MCC: variants seen among roughly 807,000 people sequenced by gnomAD.
MCC encodes the protein colorectal mutant cancer protein.
MCC carries 90 observed loss-of-function variants against 116.2 expected under a neutral mutation model. The observed-to-expected ratio is 0.77, with a 90% CI of 0.65 to 0.92. MCC has a LOEUF of 0.92. Ranked by LOEUF, MCC falls within the 40% of genes least tolerant of loss-of-function variation. The probability of loss-of-function intolerance (pLI) is 0.00; values close to 1 mark genes in which losing one functional copy is unlikely to be tolerated. For missense variants in MCC, 1,516 were observed against 1,312.2 expected (o/e 1.16, Z -2.40); for synonymous variants, 578 against 510.5 (o/e 1.13, Z -1.78).
At position 113,064,180 on chromosome 5, in the gene MCC, G is replaced by C; in HGVS notation, c.2030-13C>G. The C allele has an allele frequency of 1.3e-6, 2 of 1,599,434 alleles. No homozygotes were observed. The highest frequency in any genetic ancestry group is 2.2e-5 in the South Asian group (2 of 88,912). ...CCCGACTGGTCTCCTATGTGGCAGA[G>C]AAGCCAACGGATTAATCAACATAGG... On this transcript the variant is annotated splice_polypyrimidine_tract_variant and intron_variant, in intron 13 of 18. Transcript: ENST00000408903.
chr5:113,022,461 A>G lies in MCC; in HGVS notation c.*4841T>C, dbSNP rs1750208863. ...TATAGCACATATTCAAATAATAGGA[A>G]ACAAATCTCATGCAAAGTAAATAAA... On this transcript the variant is annotated 3_prime_UTR_variant, in exon 19 of 19. Coordinates refer to ENST00000408903, the MANE Select transcript of MCC (RefSeq NM_001085377.2). 1 of 152,658 alleles carries G rather than the reference A, an allele frequency of 6.6e-6. No homozygotes were observed. Among genetic ancestry groups the G allele is most frequent in the South Asian group, 2.1e-4 (1 of 4,832 alleles). The allele number at this position is 152,658 out of a possible 1,614,324, so 9.5% of individuals were successfully genotyped here. A position where few individuals can be genotyped will look rare whatever the true frequency, so the allele number is the denominator to read the frequency against.
chr5:113,357,784 T>C (rs1452870140), intron 2 of MCC, among the ~76,000 whole-genome samples: 1 of 152,144 alleles, frequency 6.6e-6, no homozygotes, highest in Non-Finnish European at 1.5e-5. Context: ...TCCCAAGTGC[T>C]AGCAGGCCAC....
At chr5:113,115,519 G>A (rs1179474424) in intron 6 of MCC, among the ~76,000 whole-genome samples, 1 of 152,106 alleles carries the variant, frequency 6.6e-6, no homozygotes, top group African/African-American at 2.4e-5. Context: ...GAAGGGATAA[G>A]GAAGATAACC....
chr5:113,073,656 C>CTTT (rs565478702), intron 11 of MCC, among the ~76,000 whole-genome samples: 48 of 144,300 alleles, frequency 3.3e-4, no homozygotes, highest in East Asian at 2.0e-3. Context: ...CATATGGCTG[C>CTTT]TTTTTTTTTT....
chr5:113,029,867 C>T (rs766100597), intron 17 of MCC, among the ~76,000 whole-genome samples: 1 of 152,174 alleles, frequency 6.6e-6, no homozygotes, highest in Non-Finnish European at 1.5e-5. Context: ...ACTATGTCAC[C>T]GTATTACGTG....
chr5:113,036,879 C>T (rs1200068827), intron 17 of MCC, among the ~76,000 whole-genome samples: 1 of 152,212 alleles, frequency 6.6e-6, no homozygotes, highest in Non-Finnish European at 1.5e-5. Flanking sequence ...AGGCACTTGG[C>T]TCTGGGGCTC....
At chr5:113,219,068 T>C (rs990440733) in intron 3 of MCC, among the ~76,000 whole-genome samples, 1 of 152,204 alleles carries the variant, frequency 6.6e-6, no homozygotes, top group African/African-American at 2.4e-5. Flanking sequence ...TTTCAAACTG[T>C]CCTCTGGCTC....
intron 1 of MCC, among the ~76,000 whole-genome samples, chr5:113,457,023 G>T (rs537700777): frequency 6.6e-6 from 1 of 152,320 alleles, no homozygotes; most frequent in Non-Finnish European, 1.5e-5. Context: ...CGCCTCCTCT[G>T]CCTGGGCTCC....
In MCC at chr5:113,416,303, C is replaced by A. The variant is rs570702656; in HGVS notation, c.171-31091G>T. Among the ~76,000 whole-genome samples, 14 of 152,306 alleles carry A rather than the reference C, an allele frequency of 9.2e-5. No homozygotes were observed. The South Asian group carries it at 2.3e-3, about 25-fold the overall frequency. On this transcript the variant is annotated intron_variant, in intron 1 of 18. Coordinates refer to ENST00000408903, the MANE Select transcript of MCC (RefSeq NM_001085377.2). The stretch of plus-strand genomic sequence containing the variant: ...GTGTGCTGGCACACACCTGTAGTCT[C>A]ATCTACTCAGGAGACTGAAACAGGA...
intron 3 of MCC, among the ~76,000 whole-genome samples, chr5:113,255,248 G>A (rs544192494): frequency 2.0e-5 from 3 of 152,306 alleles, no homozygotes; most frequent in Admixed American, 2.0e-4. Context: ...CGACATGTGA[G>A]CCAAAGTCCT....
At chr5:113,281,233 T>C (rs1438669097) in intron 3 of MCC, among the ~76,000 whole-genome samples, 1 of 152,234 alleles carries the variant, frequency 6.6e-6, no homozygotes, top group Non-Finnish European at 1.5e-5. Flanking sequence ...CTCTCACCAG[T>C]GCTTCTGTAA....
intron 16 of MCC, among the ~76,000 whole-genome samples, chr5:113,047,463 G>A (rs559862769): frequency 3.0e-4 from 45 of 152,348 alleles, no homozygotes; most frequent in African/African-American, 1.0e-3. Flanking sequence ...GGAGAAGGGT[G>A]TAGCTGTGGC....
intron 3 of MCC, among the ~76,000 whole-genome samples, chr5:113,241,042 C>G (rs960986745): frequency 6.6e-6 from 1 of 152,172 alleles, no homozygotes; most frequent in Non-Finnish European, 1.5e-5. Flanking sequence ...TTAGTTGAAT[C>G]AGAAACTGAG....
intron 11 of MCC, among the ~76,000 whole-genome samples, chr5:113,081,712 C>T (rs535964756): frequency 2.6e-5 from 4 of 152,280 alleles, no homozygotes; most frequent in Non-Finnish European, 5.9e-5. Context: ...CCAGGATTAT[C>T]ACTCTTAAGT....
intron 3 of MCC, among the ~76,000 whole-genome samples, chr5:113,324,715 G>A (rs1767508393): frequency 1.3e-5 from 2 of 152,250 alleles, no homozygotes; most frequent in Middle Eastern, 3.4e-3. Context: ...GCCTGCAGCT[G>A]TTACTCTGAG....
At chr5:113,104,939 CTCCACATAAG>C (rs898820868) in intron 6 of MCC, among the ~76,000 whole-genome samples, 8 of 152,202 alleles carry the variant, frequency 5.3e-5, no homozygotes, top group African/African-American at 1.7e-4. Flanking sequence ...CCTTATTGTT[CTCCACATAAG>C]GCAACCAATT....
At chr5:113,333,322 A>C (rs1330826761) in intron 3 of MCC, among the ~76,000 whole-genome samples, 2 of 151,742 alleles carry the variant, frequency 1.3e-5, no homozygotes, top group Admixed American at 6.5e-5. Context: ...ATCATATAGC[A>C]AATGAGCATG....
chr5:113,276,252 G>A (rs963396828), intron 3 of MCC, among the ~76,000 whole-genome samples: 4 of 152,184 alleles, frequency 2.6e-5, no homozygotes, highest in Admixed American at 6.5e-5. Flanking sequence ...ACAGGCTGGA[G>A]ACTGAGTACG....
chr5:113,201,138 C>A (rs931061610), intron 3 of MCC, among the ~76,000 whole-genome samples: 23 of 152,046 alleles, frequency 1.5e-4, no homozygotes, highest in African/African-American at 4.8e-4. Context: ...GCAATCCCAG[C>A]ACTTTGGGAG....
Sources: gnomAD v4.1 joint callset for allele counts (sites outside exome capture counted in the v4.1 genomes callset) on GRCh38, gnomAD v4.1.1 for gene constraint, MANE v1.5 for transcripts, NCBI Gene and HGNC (gene_info 2026-07-23, HGNC 2026-07-21) for gene names.